MAP2K1: variants seen among roughly 807,000 people sequenced by gnomAD.
MAP2K1 encodes the protein mitogen-activated protein kinase kinase 1.
MAP2K1 carries 16 observed loss-of-function variants against 46.3 expected under a neutral mutation model. The observed-to-expected ratio is 0.35, with a 90% confidence interval of 0.23 to 0.52. The LOEUF is 0.52. Among genes scored for constraint, MAP2K1 ranks in the 20% least tolerant of loss-of-function variants. The probability of loss-of-function intolerance (pLI) is 0.94; values close to 1 mark genes in which losing one functional copy is unlikely to be tolerated. For synonymous variants in MAP2K1, 183 were observed against 185.6 expected, an observed-to-expected ratio of 0.99 and a Z score of 0.11; for missense variants, 263 against 497.1, an observed-to-expected ratio of 0.53 and a Z score of 4.48.
chr15:66,417,568 C>T (rs979977167), intron 1 of MAP2K1, among the ~76,000 whole-genome samples: 2 of 152,074 alleles, frequency 1.3e-5, no homozygotes, highest in Non-Finnish European at 2.9e-5. Context: ...AAATGAGACC[C>T]TGTCTCAAAA....
At chr15:66,395,066 A>G (rs2093364412) in intron 1 of MAP2K1, among the ~76,000 whole-genome samples, 1 of 152,334 alleles carries the variant, frequency 6.6e-6, no homozygotes, top group Non-Finnish European at 1.5e-5. Context: ...GAAAGGAAGA[A>G]GATACTGTGG....
At chr15:66,486,873 AT>A (rs1417962041) in intron 7 of MAP2K1, among the ~76,000 whole-genome samples, 1 of 152,218 alleles carries the variant, frequency 6.6e-6, no homozygotes, top group East Asian at 1.9e-4. Flanking sequence ...TTCATGGAGA[AT>A]TAAAACTAAG....
intron 1 of MAP2K1, chr15:66,401,921 C>A: frequency 1.6e-6 from 2 of 1,255,280 alleles, no homozygotes; most frequent in South Asian, 1.3e-5. Context: ...TGCATCGGTT[C>A]GGGTCGAAGG....
chr15:66,417,429 AG>A, intron 1 of MAP2K1, among the ~76,000 whole-genome samples: 1 of 152,086 alleles, frequency 6.6e-6, no homozygotes, highest in Non-Finnish European at 1.5e-5. Flanking sequence ...AAAATTAGCC[AG>A]GCATGGTGGC....
At chr15:66,452,497 T>C (rs1892059274) in intron 5 of MAP2K1, among the ~76,000 whole-genome samples, 1 of 152,104 alleles carries the variant, frequency 6.6e-6, no homozygotes, top group African/African-American at 2.4e-5. Context: ...AATATTTTAA[T>C]GTATTAGTTT....
intron 1 of MAP2K1, among the ~76,000 whole-genome samples, chr15:66,405,862 T>A (rs2093395317): frequency 6.6e-6 from 1 of 152,254 alleles, no homozygotes; most frequent in Non-Finnish European, 1.5e-5. Flanking sequence ...GTTCTTTCTC[T>A]GACTTCCTAC....
At chr15:66,425,772 T>A (rs2093456616) in intron 1 of MAP2K1, among the ~76,000 whole-genome samples, 1 of 152,214 alleles carries the variant, frequency 6.6e-6, no homozygotes, top group Non-Finnish European at 1.5e-5. Flanking sequence ...CACTTCATAG[T>A]GTAAACAGGT....
At chr15:66,480,390 T>G (rs1222955740) in intron 5 of MAP2K1, among the ~76,000 whole-genome samples, 2 of 152,264 alleles carry the variant, frequency 1.3e-5, no homozygotes, top group East Asian at 1.9e-4. Context: ...GCCCGGCTTT[T>G]GTTTTTCAAT....
At chr15:66,444,539 AG>A in intron 4 of MAP2K1, 116 bp from the exon 5 acceptor site, 1 of 812,698 alleles carries the variant, frequency 1.2e-6, no homozygotes, top group South Asian at 1.4e-5. Context: ...GTCTCAAAGG[AG>A]GAAGGCAAAT....
At chr15:66,400,036 ATCTTTT>A (rs1199595988) in intron 1 of MAP2K1, among the ~76,000 whole-genome samples, 2 of 152,184 alleles carry the variant, frequency 1.3e-5, no homozygotes, top group Non-Finnish European at 2.9e-5. Flanking sequence ...TACTTTATGA[ATCTTTT>A]TCTTATTAGG....
At chr15:66,418,086 A>G (rs1448053522) in intron 1 of MAP2K1, among the ~76,000 whole-genome samples, 1 of 152,218 alleles carries the variant, frequency 6.6e-6, no homozygotes, top group Non-Finnish European at 1.5e-5. Flanking sequence ...AGCGGTCCCA[A>G]GCATAGGAGC....
chr15:66,490,147 C>A (rs544524256), intron 10 of MAP2K1: 10 of 509,330 alleles, frequency 2.0e-5, no homozygotes, highest in African/African-American at 1.7e-4. Flanking sequence ...CTAAGTAATA[C>A]TGTAAATATC....
chr15:66,389,265 CTGT>C (rs1438984100), intron 1 of MAP2K1, among the ~76,000 whole-genome samples: 6 of 152,176 alleles, frequency 3.9e-5, no homozygotes, highest in African/African-American at 1.4e-4. Flanking sequence ...AAAGTCATGA[CTGT>C]TGTTAGGACA....
At chr15:66,409,836 T>G (rs2093406981) in intron 1 of MAP2K1, among the ~76,000 whole-genome samples, 1 of 152,202 alleles carries the variant, frequency 6.6e-6, no homozygotes, top group South Asian at 2.1e-4. Flanking sequence ...GGGCCCAGGA[T>G]AGAATTACAT....
chr15:66,482,580 C>G (rs1218981846), intron 6 of MAP2K1, among the ~76,000 whole-genome samples: 1 of 152,186 alleles, frequency 6.6e-6, no homozygotes, highest in East Asian at 1.9e-4. Flanking sequence ...TGGGGCCATC[C>G]TCACACTATG....
chr15:66,464,395 A>G (rs1294008652), intron 5 of MAP2K1, among the ~76,000 whole-genome samples: 3 of 152,222 alleles, frequency 2.0e-5, no homozygotes, highest in Non-Finnish European at 2.9e-5. Flanking sequence ...AAGGTGGCTT[A>G]TGTATGCTGT....
rs374203054 is a variant in MAP2K1, at chr15:66,392,254, G to GTTTTTTTTTTT, written c.80+4827_80+4828insTTTTTTTTTTT. Among the ~76,000 whole-genome samples the GTTTTTTTTTTT allele has an allele frequency of 8.7e-4, 69 of 79,658 alleles. 5 individuals are homozygous for GTTTTTTTTTTT. Among genetic ancestry groups the GTTTTTTTTTTT allele is most frequent in the African/African-American group, 2.5e-3 (53 of 21,464 alleles). The allele number at this position is 79,658 out of a possible 152,430, so 52.3% of individuals were successfully genotyped here. A position where few individuals can be genotyped will look rare whatever the true frequency, so the allele number is the denominator to read the frequency against. ...CACGAATATTTGTGTGTTTTTTTTGGGTTTTTTTTTTTTTTTTTTTTTTTT... is the reference window on the plus strand; with the variant it reads ...CACGAATATTTGTGTGTTTTTTTTGGTTTTTTTTTTTGTTTTTTTTTTTTTTTTTTTTTTTT... On this transcript the variant is annotated intron_variant, in intron 1 of 10. Transcript: ENST00000307102.
intron 3 of MAP2K1, among the ~76,000 whole-genome samples, chr15:66,442,366 G>A (rs1423304974): frequency 1.3e-5 from 2 of 152,074 alleles, no homozygotes; most frequent in Non-Finnish European, 2.9e-5. Flanking sequence ...AACGTGATGC[G>A]TCCCTGCTTT....
chr15:66,467,857 G>A (rs982917703), intron 5 of MAP2K1, among the ~76,000 whole-genome samples: 2 of 152,072 alleles, frequency 1.3e-5, no homozygotes, highest in South Asian at 2.1e-4. Context: ...CACCGCGCCC[G>A]GTGGCTCACA....
Sources: gnomAD v4.1 joint callset for allele counts (sites outside exome capture counted in the v4.1 genomes callset) on GRCh38, gnomAD v4.1.1 for gene constraint, MANE v1.5 for transcripts, NCBI Gene and HGNC (gene_info 2026-07-23, HGNC 2026-07-21) for gene names.